Variants in EYS observed in about 807,000 individuals in gnomAD.
EYS encodes the protein protein eyes shut homolog.
In EYS, 250 loss-of-function variants were observed where a neutral mutation model predicts 282.1. The ratio of observed to expected loss-of-function variants is 0.89; its 90% confidence interval spans 0.80 to 0.98. The LOEUF (loss-of-function observed/expected upper bound fraction) is 0.98. Ranked by LOEUF, EYS falls within the 50% of genes least tolerant of loss-of-function variation. The probability of loss-of-function intolerance (pLI) is 0.00; values close to 1 mark genes in which losing one functional copy is unlikely to be tolerated. For missense variants in EYS, 4,016 were observed against 3,709.0 expected (o/e 1.08, Z -2.15); for synonymous variants, 1,355 against 1,282.9 (o/e 1.06, Z -1.20).
chr6:63,723,853 G>T (rs916686547), intron 42 of EYS, among the ~76,000 whole-genome samples: 2 of 150,010 alleles, frequency 1.3e-5, no homozygotes, highest in Non-Finnish European at 3.0e-5. Flanking sequence ...CCAGAGTCCT[G>T]CTCTGTCCCC....
intron 12 of EYS, among the ~76,000 whole-genome samples, chr6:65,276,467 A>T (rs2150270692): frequency 6.6e-6 from 1 of 151,866 alleles, no homozygotes; most frequent in East Asian, 1.9e-4. Context: ...GTCACTTAGA[A>T]CTCCTCATGC....
At chr6:64,230,855 A>T (rs1180694849) in intron 30 of EYS, 31 bp from the exon 31 acceptor site, 1 of 1,345,794 alleles carries the variant, frequency 7.4e-7, no homozygotes, top group African/African-American at 1.5e-5. Context: ...AGAAAACAAA[A>T]TATAAGTAAA....
At chr6:64,143,500 A>C (rs988377886) in intron 31 of EYS, among the ~76,000 whole-genome samples, 2 of 152,204 alleles carry the variant, frequency 1.3e-5, no homozygotes, top group Non-Finnish European at 2.9e-5. Flanking sequence ...CTAAAAGTGC[A>C]ATTAAAAATA....
chr6:65,179,318 C>T (rs1765311515), intron 12 of EYS, among the ~76,000 whole-genome samples: 1 of 151,616 alleles, frequency 6.6e-6, no homozygotes, highest in Admixed American at 6.6e-5. Context: ...AGACCTCTAG[C>T]AAGACTAATA....
At chr6:65,198,270 G>A (rs1225805644) in intron 12 of EYS, among the ~76,000 whole-genome samples, 1 of 152,104 alleles carries the variant, frequency 6.6e-6, no homozygotes, top group Admixed American at 6.6e-5. Flanking sequence ...TCATCTCCTT[G>A]ATAGCAAGGC....
chr6:63,757,421 C>G (rs916238710), intron 41 of EYS, among the ~76,000 whole-genome samples: 9 of 152,118 alleles, frequency 5.9e-5, no homozygotes, highest in Non-Finnish European at 1.2e-4. Context: ...TAAGACAGTA[C>G]TTGCACAGCT....
chr6:64,906,826 T>G (rs1359918201), intron 16 of EYS, among the ~76,000 whole-genome samples: 1 of 152,134 alleles, frequency 6.6e-6, no homozygotes, highest in Non-Finnish European at 1.5e-5. Flanking sequence ...ATTTTTTGCC[T>G]ATAAACTGAG....
At chr6:65,569,334 C>A (rs193283874) in intron 2 of EYS, among the ~76,000 whole-genome samples, 1 of 152,186 alleles carries the variant, frequency 6.6e-6, no homozygotes, top group Non-Finnish European at 1.5e-5. Flanking sequence ...GGACTCAGCC[C>A]GCCTGCACCC....
chr6:64,230,807 A>G lies in EYS; in HGVS notation c.6209T>C (p.Leu2070Pro), dbSNP rs1243255375. ...ATCAACAAAGGAGGCTGTTGGAGAC[A>G]GCATAAATCCCTGGGATCTGTGATT... ...INNCRSQGFM[L>P]SPTASFVDAS... The change falls in exon 31 of 43, where the codon CTG (leucine) becomes CCG (proline). Residue 2070 changes from leucine (L) to proline (P), a missense_variant. Leu to Pro is a moderately conservative substitution (Grantham distance 98, BLOSUM62 -3). Transcript: ENST00000503581. The G allele has an allele frequency of 1.7e-5, 26 of 1,545,686 alleles. No individual in the cohort carries two copies. The South Asian group carries it at 2.6e-4, about 16-fold the overall frequency.
chr6:65,085,083 G>T (rs529812891), intron 12 of EYS, among the ~76,000 whole-genome samples: 2 of 152,242 alleles, frequency 1.3e-5, no homozygotes, highest in Admixed American at 6.5e-5. Flanking sequence ...GTCTCAACTG[G>T]TGAACAGAAG....
chr6:63,952,598 A>G (rs970779054), intron 35 of EYS, among the ~76,000 whole-genome samples: 7 of 151,010 alleles, frequency 4.6e-5, no homozygotes, highest in Admixed American at 6.6e-5. Context: ...TCTTTTATGC[A>G]CTCCTTTTTA....
At chr6:64,147,674 G>A (rs1163902487) in intron 31 of EYS, among the ~76,000 whole-genome samples, 1 of 152,160 alleles carries the variant, frequency 6.6e-6, no homozygotes, top group East Asian at 1.9e-4. Flanking sequence ...TACCAGTCAT[G>A]TGACTGATCT....
chr6:65,534,410 A>G (rs535053285), intron 2 of EYS, among the ~76,000 whole-genome samples: 259 of 152,240 alleles, frequency 1.7e-3, no homozygotes, highest in Non-Finnish European at 2.8e-3. Flanking sequence ...TAACCTCTTG[A>G]AAGTAAGAGA....
rs1487420135 is a variant in EYS, at chr6:64,151,331, A to G, written c.6425-69329T>C. ...TGTGTGTATATTTATATATATATATATATATATATATATATATATATATAT... is the reference window on the plus strand; with the variant it reads ...TGTGTGTATATTTATATATATATATGTATATATATATATATATATATATAT... On this transcript the variant is annotated intron_variant, in intron 31 of 42. Transcript: ENST00000503581. 9.0e-5 allele frequency among the ~76,000 whole-genome samples: 9 copies of G among 100,118 alleles called. No individual in the cohort carries two copies. In the East Asian group the frequency reaches 9.0e-4, roughly 10 times the overall value. 65.7% of individuals were successfully genotyped at this position (100,118 alleles called of 152,430 possible). A position where few individuals can be genotyped will look rare whatever the true frequency, so the allele number is the denominator to read the frequency against.
chr6:64,000,830 T>A (rs1768062537), intron 33 of EYS, among the ~76,000 whole-genome samples: 1 of 152,130 alleles, frequency 6.6e-6, no homozygotes, highest in South Asian at 2.1e-4. Flanking sequence ...TCATTTCTAA[T>A]TCTGATCAGG....
At chr6:65,190,283 A>G (rs580284) in intron 12 of EYS, among the ~76,000 whole-genome samples, 9,814 of 147,890 alleles carry the variant, frequency 0.066, 627 homozygotes, top group African/African-American at 0.17. Flanking sequence ...ATGTTATATA[A>G]AGTATTTTCA....
chr6:65,061,814 T>C (rs1773583065), intron 12 of EYS, among the ~76,000 whole-genome samples: 1 of 151,974 alleles, frequency 6.6e-6, no homozygotes, highest in African/African-American at 2.4e-5. Context: ...GGAACCATCA[T>C]GTAGGAATCA....
chr6:64,095,291 T>A (rs1331163704), intron 31 of EYS, among the ~76,000 whole-genome samples: 1 of 152,184 alleles, frequency 6.6e-6, no homozygotes, highest in East Asian at 1.9e-4. Flanking sequence ...GGAGTTGAGT[T>A]CAATTCCTGG....
At chr6:64,456,079 A>G (rs1489778035) in intron 26 of EYS, among the ~76,000 whole-genome samples, 1 of 152,068 alleles carries the variant, frequency 6.6e-6, no homozygotes, top group African/African-American at 2.4e-5. Context: ...TGTTCATGAT[A>G]CCTTTTCTGA....
Sources: allele counts gnomAD v4.1 joint callset (sites outside exome capture counted in the v4.1 genomes callset), GRCh38; gene constraint gnomAD v4.1.1; transcripts MANE v1.5; gene names NCBI Gene and HGNC (gene_info 2026-07-23, HGNC 2026-07-21).